Variants in RPH3A observed in about 807,000 individuals in gnomAD.
RPH3A encodes rabphilin-3A.
A neutral mutation model predicts 102.2 loss-of-function variants in RPH3A; 48 were observed. That is an observed-to-expected ratio of 0.47 (90% CI 0.37 to 0.60). The LOEUF (loss-of-function observed/expected upper bound fraction) is 0.60. RPH3A is among the 20% of genes least tolerant of loss of function. The probability of loss-of-function intolerance (pLI) is 0.00; values close to 1 mark genes in which losing one functional copy is unlikely to be tolerated. For synonymous variants in RPH3A, 310 were observed against 324.3 expected, an observed-to-expected ratio of 0.96 and a Z score of 0.47; for missense variants, 781 against 910.1, an observed-to-expected ratio of 0.86 and a Z score of 1.83.
chr12:112,584,337 C>T (rs1288920130), intron 1 of RPH3A, among the ~76,000 whole-genome samples: 1 of 152,206 alleles, frequency 6.6e-6, no homozygotes, highest in African/African-American at 2.4e-5. Context: ...CATATCTACA[C>T]TCCTGGCAAC....
At chr12:112,846,238 C>T (rs544902933) in intron 4 of RPH3A, among the ~76,000 whole-genome samples, 2 of 152,272 alleles carry the variant, frequency 1.3e-5, no homozygotes, top group East Asian at 1.9e-4. Context: ...TGCAACCATC[C>T]CTTCTGCCTA....
At chr12:112,818,182 C>A (rs1228039868) in intron 2 of RPH3A, among the ~76,000 whole-genome samples, 1 of 151,920 alleles carries the variant, frequency 6.6e-6, no homozygotes, top group Non-Finnish European at 1.5e-5. Context: ...CGCCTGTAGT[C>A]CCAGCTACTC....
chr12:112,614,125 C>T (rs1046417924), intron 1 of RPH3A, among the ~76,000 whole-genome samples: 6 of 152,124 alleles, frequency 3.9e-5, no homozygotes, highest in African/African-American at 1.2e-4. Context: ...GAACCAGCTC[C>T]CCTGGCACCT....
chr12:112,583,626 T>TTC (rs1232055974), intron 1 of RPH3A, among the ~76,000 whole-genome samples: 1 of 152,198 alleles, frequency 6.6e-6, no homozygotes, highest in Non-Finnish European at 1.5e-5. Flanking sequence ...AGCCTTACTA[T>TTC]TCATTTGCTG....
intron 1 of RPH3A, among the ~76,000 whole-genome samples, chr12:112,683,187 C>T (rs762093668): frequency 5.3e-5 from 8 of 151,984 alleles, no homozygotes; most frequent in Admixed American, 5.2e-4. Flanking sequence ...GGTTACGGGC[C>T]GAACTGGGAT....
At chr12:112,646,219 A>T (rs896158324) in intron 1 of RPH3A, among the ~76,000 whole-genome samples, 22 of 152,208 alleles carry the variant, frequency 1.4e-4, no homozygotes, top group African/African-American at 5.1e-4. Flanking sequence ...ATTTATTATC[A>T]TAGGTAACAG....
intron 4 of RPH3A, chr12:112,842,123 C>G: frequency 2.3e-6 from 1 of 430,718 alleles, no homozygotes; most frequent in Non-Finnish European, 4.7e-6. Flanking sequence ...TCATTGTCTT[C>G]CCTACTCTTC....
chr12:112,832,078 A>G (rs1267981920), intron 3 of RPH3A, among the ~76,000 whole-genome samples: 1 of 152,150 alleles, frequency 6.6e-6, no homozygotes. Context: ...ATCTGATTAG[A>G]TAAATATTAG....
At chr12:112,829,262 A>C (rs1284024494) in intron 3 of RPH3A, among the ~76,000 whole-genome samples, 1 of 147,720 alleles carries the variant, frequency 6.8e-6, no homozygotes, top group Non-Finnish European at 1.5e-5. Flanking sequence ...GCCCAAAGAG[A>C]AAGGCTTTTT....
At chr12:112,757,227 G>A (rs560281083) in intron 1 of RPH3A, among the ~76,000 whole-genome samples, 1 of 152,360 alleles carries the variant, frequency 6.6e-6, no homozygotes, top group African/African-American at 2.4e-5. Flanking sequence ...TGACATGGCT[G>A]TGGCTTTTCA....
At chr12:112,706,704 CT>C (rs1456421689) in intron 1 of RPH3A, among the ~76,000 whole-genome samples, 37 of 152,290 alleles carry the variant, frequency 2.4e-4, no homozygotes, top group African/African-American at 8.4e-4. Context: ...GAAAAGAAAT[CT>C]GTTTTTCTTA....
intron 2 of RPH3A, chr12:112,813,432 G>A (rs960674416): frequency 3.9e-5 from 6 of 152,208 alleles, no homozygotes; most frequent in African/African-American, 9.7e-5. Context: ...GGAAAGGAGG[G>A]GGGAATAGAT....
intron 1 of RPH3A, among the ~76,000 whole-genome samples, chr12:112,700,230 C>T (rs1345700644): frequency 6.6e-6 from 1 of 152,138 alleles, no homozygotes; most frequent in Admixed American, 6.5e-5. Flanking sequence ...CAACCACTCC[C>T]AGCTAATTTT....
At position 112,791,905 on chromosome 12, in the gene RPH3A, A is replaced by AGAGAGAGAGAGAGAGAGT. The variant is rs2041124224; in HGVS notation, c.-247_-246insGAGAGAGAGAGAGAGAGT. 1 of 148,980 alleles carries AGAGAGAGAGAGAGAGAGT rather than the reference A, an allele frequency of 6.7e-6. No individual in the cohort carries two copies. Among genetic ancestry groups the AGAGAGAGAGAGAGAGAGT allele is most frequent in the East Asian group, 2.0e-4 (1 of 5,048 alleles). 9.2% of individuals were successfully genotyped at this position (148,980 alleles called of 1,614,324 possible). On this transcript the variant is annotated 5_prime_UTR_variant, in exon 1 of 22. Transcript: ENST00000389385. Reference sequence around the variant, plus strand: ...GAGAGAGAGAGAGAGAGAGAGAGAGACTCACAGAGCTAAAACCTTCATCCA... The same window carrying AGAGAGAGAGAGAGAGAGT: ...GAGAGAGAGAGAGAGAGAGAGAGAGAGAGAGAGAGAGAGAGAGTCTCACAGAGCTAAAACCTTCATCCA...
chr12:112,828,988 G>C (rs1266441000), intron 3 of RPH3A, among the ~76,000 whole-genome samples: 1 of 152,132 alleles, frequency 6.6e-6, no homozygotes, highest in African/African-American at 2.4e-5. Context: ...AGACTGGCAA[G>C]AGCTCTCCAG....
intron 1 of RPH3A, among the ~76,000 whole-genome samples, chr12:112,585,606 A>G (rs1592894050): frequency 6.6e-6 from 1 of 152,146 alleles, no homozygotes; most frequent in African/African-American, 2.4e-5. Context: ...GTGGTGGTGC[A>G]TGCCTGTAGT....
At chr12:112,584,220 T>C (rs888769433) in intron 1 of RPH3A, among the ~76,000 whole-genome samples, 6 of 149,966 alleles carry the variant, frequency 4.0e-5, no homozygotes, top group Non-Finnish European at 8.8e-5. Context: ...TTGGGGTCTC[T>C]TTGGGAATGG....
intron 1 of RPH3A, among the ~76,000 whole-genome samples, chr12:112,579,012 G>C (rs888116095): frequency 2.0e-5 from 3 of 152,132 alleles, no homozygotes; most frequent in Non-Finnish European, 2.9e-5. Flanking sequence ...TTCATCATAG[G>C]TTCCTCCGAA....
At chr12:112,835,020 AT>A (rs934825104) in intron 3 of RPH3A, among the ~76,000 whole-genome samples, 4 of 151,846 alleles carry the variant, frequency 2.6e-5, no homozygotes, top group Non-Finnish European at 4.4e-5. Flanking sequence ...CCAGAGCTGC[AT>A]TTTTTTTAAA....
Sources: allele counts gnomAD v4.1 joint callset (sites outside exome capture counted in the v4.1 genomes callset), GRCh38; gene constraint gnomAD v4.1.1; transcripts MANE v1.5; gene names NCBI Gene and HGNC (gene_info 2026-07-23, HGNC 2026-07-21).